CDNF: variants seen among roughly 807,000 people sequenced by gnomAD.
The protein encoded by CDNF is cerebral dopamine neurotrophic factor.
A neutral mutation model predicts 14.8 loss-of-function variants in CDNF; 9 were observed. That is an observed-to-expected ratio of 0.61 (90% CI 0.37 to 1.06). The LOEUF is 1.06. CDNF is among the 50% of genes least tolerant of loss of function. The pLI is 0.01. For missense variants in CDNF, 228 were observed against 228.4 expected, an observed-to-expected ratio of 1.00 and a Z score of 0.01; for synonymous variants, 86 against 87.2, an observed-to-expected ratio of 0.99 and a Z score of 0.07.
Position 14,819,867 on chromosome 10 carries a change from A to G in CDNF, c.*113T>C, listed in dbSNP as rs1833722581. 9.3e-7 allele frequency: 1 copy of G among 1,080,818 alleles called. No homozygotes were observed. Among genetic ancestry groups the G allele is most frequent in the Non-Finnish European group, 1.3e-6 (1 of 756,200 alleles). The allele number at this position is 1,080,818 out of a possible 1,614,324, so 67.0% of individuals were successfully genotyped here. A position where few individuals can be genotyped will look rare whatever the true frequency, so the allele number is the denominator to read the frequency against. ...ATTCTGAGGAATAATACCAACACAA[A>G]AAGCATGAGACCAAATATGATGCAT... is the stretch of plus-strand genomic sequence containing the variant. On this transcript the variant is annotated 3_prime_UTR_variant, in exon 4 of 4. Coordinates refer to ENST00000465530, the MANE Select transcript of CDNF (RefSeq NM_001029954.3).
Position 14,825,650 on chromosome 10 carries a change from C to A in CDNF, c.244-30G>T, listed in dbSNP as rs1291795820. ...AGGAAAATGAAGAGAATTGAGTGTT[C>A]CAGACAATGAAGACATTCAGTATCA... is the stretch of plus-strand genomic sequence containing the variant. On this transcript the variant is annotated intron_variant, in intron 2 of 3. Transcript: ENST00000465530. 2.5e-6 allele frequency: 4 copies of A among 1,607,468 alleles called. No individual in the cohort carries two copies. In the South Asian group the frequency reaches 4.4e-5, roughly 18 times the overall value.
At chr10:14,835,874 C>A (rs936197437) in intron 1 of CDNF, among the ~76,000 whole-genome samples, 17 of 152,132 alleles carry the variant, frequency 1.1e-4, no homozygotes, top group South Asian at 4.1e-4. Context: ...TACTCAAAAC[C>A]CAAGTCCTTT....
At chr10:14,822,551 G>A (rs1047253179) in intron 3 of CDNF, among the ~76,000 whole-genome samples, 3 of 151,776 alleles carry the variant, frequency 2.0e-5, no homozygotes, top group African/African-American at 7.3e-5. Context: ...ACTCCAGCAT[G>A]GGCAACAGAG....
At position 14,820,005 on chromosome 10, in the gene CDNF, G is replaced by A. The variant is rs1324171157; in HGVS notation, c.539C>T (p.Ala180Val). ...TCAGAGCTCTGTTTTGGGGTGTGTCGCTGCATACTTGGGGGCCAGCTCTTG... is the reference window on the plus strand; with the variant it reads ...TCAGAGCTCTGTTTTGGGGTGTGTCACTGCATACTTGGGGGCCAGCTCTTG... ...LIQELAPKYA[A>V]THPKTEL Residue 180 changes from alanine to valine, a missense_variant, in exon 4 of 4, where the codon GCG becomes GTG. By Grantham distance (64) the Ala-to-Val change is moderately conservative. Transcript: ENST00000465530. 5.0e-6 allele frequency: 8 copies of A among 1,613,678 alleles called. No individual in the cohort carries two copies. The highest frequency in any genetic ancestry group is 1.7e-5 in the Admixed American group (1 of 59,964).
chr10:14,836,596 T>A (rs796645765), intron 1 of CDNF, among the ~76,000 whole-genome samples: 78 of 152,322 alleles, frequency 5.1e-4, no homozygotes, highest in African/African-American at 1.7e-3. Flanking sequence ...TGGAGAAAAG[T>A]TTAATTATTG....
intron 1 of CDNF, 80 bp from the exon 2 acceptor site, chr10:14,828,352 T>A (rs913483375): frequency 2.2e-6 from 3 of 1,392,410 alleles, no homozygotes; most frequent in African/African-American, 2.9e-5. Flanking sequence ...TAACCACATT[T>A]AAAAGTCTAT....
Position 14,820,141 on chromosome 10 carries a change from C to G in CDNF, c.403G>C (p.Ala135Pro). The change falls in exon 4 of 4, where the codon GCA becomes CCA. Residue 135 changes from alanine to proline, a missense_variant. Transcript: ENST00000465530. ...ELKYEKTLDL[A>P]SVDLRKMRVA... ...CTCATCTTCCGCAGGTCAACTGATG[C>G]CAAGTCCAGTGTTTTTTCTAAATGG... 1 of 1,608,800 alleles carries G rather than the reference C, an allele frequency of 6.2e-7. No homozygotes were observed. The highest frequency in any genetic ancestry group is 1.1e-5 in the South Asian group (1 of 89,646).
chr10:14,830,216 G>T (rs1833833673), intron 1 of CDNF, among the ~76,000 whole-genome samples: 1 of 152,112 alleles, frequency 6.6e-6, no homozygotes, highest in Non-Finnish European at 1.5e-5. Flanking sequence ...ACGTTTTGTT[G>T]TTATCATTTC....
intron 1 of CDNF, among the ~76,000 whole-genome samples, chr10:14,833,858 A>G (rs1040997783): frequency 6.6e-6 from 1 of 152,222 alleles, no homozygotes; most frequent in Non-Finnish European, 1.5e-5. Context: ...AAGTAGGATA[A>G]GAACAAAGAC....
At chr10:14,829,210 C>T (rs1374099440) in intron 1 of CDNF, among the ~76,000 whole-genome samples, 1 of 152,170 alleles carries the variant, frequency 6.6e-6, no homozygotes, top group Non-Finnish European at 1.5e-5. Context: ...AATAGGCTAT[C>T]ATCTTGGGAC....
intron 2 of CDNF, among the ~76,000 whole-genome samples, chr10:14,826,029 GAGAAGAAGAAGAAGAAGAAGAAGAAGA>G (rs57619992): frequency 2.9e-4 from 25 of 86,206 alleles, no homozygotes; most frequent in East Asian, 7.2e-4. Context: ...GAAGAAGAAG[GAGAAGAAGAAGAAGAAGAAGAAGAAGA>G]AGAAGAAGAA....
At chr10:14,820,209 T>A (rs1225528138) in intron 3 of CDNF, 51 bp from the exon 4 acceptor site, 2 of 1,564,756 alleles carry the variant, frequency 1.3e-6, no homozygotes, top group South Asian at 1.1e-5. Flanking sequence ...GGAAAAAAAA[T>A]CCCTATGAAT....
chr10:14,830,214 T>C (rs560379805), intron 1 of CDNF, among the ~76,000 whole-genome samples: 6 of 152,314 alleles, frequency 3.9e-5, no homozygotes, highest in South Asian at 2.1e-4. Flanking sequence ...GGACGTTTTG[T>C]TGTTATCATT....
At chr10:14,836,074 G>A (rs1407050946) in intron 1 of CDNF, among the ~76,000 whole-genome samples, 1 of 152,174 alleles carries the variant, frequency 6.6e-6, no homozygotes, top group Non-Finnish European at 1.5e-5. Context: ...CAATAGGTCC[G>A]AGACGGCTCA....
chr10:14,823,520 ATTTT>A (rs963303203), intron 3 of CDNF, among the ~76,000 whole-genome samples: 7 of 152,092 alleles, frequency 4.6e-5, no homozygotes, highest in African/African-American at 1.7e-4. Flanking sequence ...GCTTTTATTT[ATTTT>A]TATTTTATCT....
rs1564313623 is a variant in CDNF at position 14,826,191 on chromosome 10, CAGCAGAAGAAGA to C, written c.244-583_244-572del. On this transcript the variant is annotated intron_variant, in intron 2 of 3. Coordinates refer to ENST00000465530, the MANE Select transcript of CDNF (RefSeq NM_001029954.3). The stretch of plus-strand genomic sequence containing the variant: ...GCAGAAGCAGCAGCAGAAGCAGAAG[CAGCAGAAGAAGA>C]AGAAGAAGAAGAAGAAGCAGAAGCA... Among the ~76,000 whole-genome samples the C allele has an allele frequency of 2.7e-4, 36 of 134,136 alleles. 2 individuals carry two copies. The highest frequency in any genetic ancestry group is 2.6e-3 in the South Asian group (11 of 4,286). The allele number at this position is 134,136 out of a possible 152,430, so 88.0% of individuals were successfully genotyped here.
At chr10:14,829,652 G>A (rs531341668) in intron 1 of CDNF, among the ~76,000 whole-genome samples, 5 of 151,942 alleles carry the variant, frequency 3.3e-5, no homozygotes, top group African/African-American at 7.2e-5. Flanking sequence ...TTTTTAAGAC[G>A]AAGTCTCGCT....
intron 3 of CDNF, among the ~76,000 whole-genome samples, chr10:14,821,180 A>C (rs1278844004): frequency 6.6e-6 from 1 of 151,488 alleles, no homozygotes; most frequent in Non-Finnish European, 1.5e-5. Context: ...GCTGGAGTGC[A>C]GTGGCATGAT....
intron 2 of CDNF, among the ~76,000 whole-genome samples, chr10:14,826,014 CAGAAGAAGAAGAAGGAGA>C (rs1173984103): frequency 3.6e-4 from 33 of 92,836 alleles, no homozygotes; most frequent in East Asian, 2.5e-3. Flanking sequence ...GAAGCAGAAG[CAGAAGAAGAAGAAGGAGA>C]AGAAGAAGAA....
Sources: allele counts gnomAD v4.1 joint callset (sites outside exome capture counted in the v4.1 genomes callset), GRCh38; gene constraint gnomAD v4.1.1; transcripts MANE v1.5; gene names NCBI Gene and HGNC (gene_info 2026-07-23, HGNC 2026-07-21).